Variants in XKR9 observed in about 807,000 individuals in gnomAD.
XKR9 encodes the protein XK related 9, also known as XK-related protein 9.
A neutral mutation model predicts 32.0 loss-of-function variants in XKR9; 32 were observed. The ratio of observed to expected loss-of-function variants is 1.00; its 90% confidence interval spans 0.76 to 1.34. The LOEUF (loss-of-function observed/expected upper bound fraction) is 1.34. Among genes scored for constraint, XKR9 ranks in the 40% most tolerant of loss-of-function variants. XKR9 has a pLI of 0.00. For synonymous variants in XKR9, 168 were observed against 143.4 expected (o/e 1.17, Z -1.22); for missense variants, 546 against 429.7 (o/e 1.27, Z -2.39).
the XKR9 span, among the ~76,000 whole-genome samples, chr8:70,886,816 T>G: frequency 1.3e-5 from 2 of 152,166 alleles, no homozygotes; most frequent in East Asian, 3.8e-4. Context: ...TTGCAAAAAT[T>G]TTCTCCCATT....
chr8:70,973,384 A>G, the XKR9 span, among the ~76,000 whole-genome samples: 1 of 151,770 alleles, frequency 6.6e-6, no homozygotes, highest in Admixed American at 6.6e-5. Flanking sequence ...GTGCTCTATC[A>G]ATTTTATTTA....
chr8:70,872,305 G>A, the XKR9 span, among the ~76,000 whole-genome samples: 1 of 152,186 alleles, frequency 6.6e-6, no homozygotes, highest in African/African-American at 2.4e-5. Flanking sequence ...CCAGAGCAAA[G>A]CCACAACTCT....
At chr8:70,675,651 GA>G (rs1476584163) in intron 2 of XKR9, among the ~76,000 whole-genome samples, 1 of 152,124 alleles carries the variant, frequency 6.6e-6, no homozygotes, top group East Asian at 1.9e-4. Flanking sequence ...TCATCACTCT[GA>G]AGTTCAAACT....
At chr8:70,772,557 A>G (rs761378498) in intron 2 of XKR9, among the ~76,000 whole-genome samples, 4 of 152,330 alleles carry the variant, frequency 2.6e-5, no homozygotes, top group South Asian at 2.1e-4. Context: ...CAAGCCAGGA[A>G]TCTTATAACA....
chr8:71,002,961 G>A, the XKR9 span, among the ~76,000 whole-genome samples: 1 of 152,236 alleles, frequency 6.6e-6, no homozygotes, highest in African/African-American at 2.4e-5. Flanking sequence ...CACCAGCTCT[G>A]CAGGCTGTGA....
the XKR9 span, among the ~76,000 whole-genome samples, chr8:70,872,679 A>G: frequency 6.6e-6 from 1 of 151,886 alleles, no homozygotes; most frequent in African/African-American, 2.4e-5. Context: ...TTTTTTTTTC[A>G]GACCTAGTTT....
intron 2 of XKR9, among the ~76,000 whole-genome samples, chr8:70,772,361 G>C (rs1807465243): frequency 6.6e-6 from 1 of 152,082 alleles, no homozygotes; most frequent in Non-Finnish European, 1.5e-5. Context: ...TATATGTTTG[G>C]GACAATATTC....
chr8:70,733,935 T>G lies in XKR9; in HGVS notation c.633T>G (p.Phe211Leu). 1 of 1,612,926 alleles carries G rather than the reference T, an allele frequency of 6.2e-7. No homozygotes were observed. The highest frequency in any genetic ancestry group is 8.5e-7 in the Non-Finnish European group (1 of 1,179,684). ...PKITYLFYKL[F>L]TLLSWMLSVV... ...TCACATATCTCTTTTACAAGTTGTT[T>G]ACATTATTATCGTGGATGCTGAGTG... Residue 211 changes from phenylalanine (F) to leucine (L), a missense_variant, in exon 5 of 5, where the codon TTT (phenylalanine) becomes TTG (leucine). By Grantham distance (22) the Phe-to-Leu change is conservative. Coordinates refer to ENST00000408926, the MANE Select transcript of XKR9 (RefSeq NM_001011720.2).
intron 1 of XKR9, among the ~76,000 whole-genome samples, chr8:70,669,940 A>T (rs559886791): frequency 7.2e-5 from 11 of 152,304 alleles, no homozygotes; most frequent in Non-Finnish European, 1.2e-4. Context: ...TGCTGGGATT[A>T]CAGGCGTGAG....
chr8:70,677,937 A>G (rs935006987), intron 2 of XKR9: 2 of 152,258 alleles, frequency 1.3e-5, no homozygotes, highest in Admixed American at 6.5e-5. Context: ...TAAGAATGAT[A>G]TTAGAACAGG....
At chr8:70,917,128 A>G in the XKR9 span, among the ~76,000 whole-genome samples, 1 of 151,944 alleles carries the variant, frequency 6.6e-6, no homozygotes, top group Non-Finnish European at 1.5e-5. Context: ...CTGTTCCTTG[A>G]TCCAACCTGT....
At chr8:70,684,142 A>G (rs13256093) in intron 3 of XKR9, among the ~76,000 whole-genome samples, 50,109 of 151,780 alleles carry the variant, frequency 0.33, 9,400 homozygotes, top group Middle Eastern at 0.43. Context: ...TGTAGATTTT[A>G]TTTCTCTTGC....
At chr8:70,738,563 G>A (rs1053085046), downstream of XKR9, among the ~76,000 whole-genome samples, 3 of 150,894 alleles carry the variant, frequency 2.0e-5, no homozygotes, top group African/African-American at 7.3e-5. Context: ...TGTGATGTTA[G>A]GGTGTCAATT....
the XKR9 span, among the ~76,000 whole-genome samples, chr8:70,809,082 T>A: frequency 1.3e-5 from 2 of 152,150 alleles, no homozygotes; most frequent in Non-Finnish European, 2.9e-5. Flanking sequence ...GGCTGGGTAC[T>A]CCTCTGAGAC....
chr8:70,860,198 C>T, the XKR9 span, among the ~76,000 whole-genome samples: 8 of 152,076 alleles, frequency 5.3e-5, no homozygotes, highest in African/African-American at 1.7e-4. Context: ...GTGTTGAAAC[C>T]CTAATCCCAG....
At chr8:70,773,587 A>G (rs7845516) in intron 2 of XKR9, among the ~76,000 whole-genome samples, 83,791 of 152,024 alleles carry the variant, frequency 0.55, 24,078 homozygotes, top group Middle Eastern at 0.62. Context: ...TATGATGTGT[A>G]TGGATCAGAC....
chr8:70,909,157 A>T, the XKR9 span, among the ~76,000 whole-genome samples: 1 of 152,016 alleles, frequency 6.6e-6, no homozygotes, highest in African/African-American at 2.4e-5. Context: ...CACATTTCTT[A>T]CCTTGCTTTA....
the XKR9 span, among the ~76,000 whole-genome samples, chr8:70,898,622 G>T: frequency 1.3e-5 from 2 of 152,026 alleles, no homozygotes; most frequent in African/African-American, 4.8e-5. Context: ...TCACATATTT[G>T]GGAATTTTCC....
the XKR9 span, among the ~76,000 whole-genome samples, chr8:70,976,516 C>T: frequency 1.3e-5 from 2 of 152,092 alleles, no homozygotes; most frequent in African/African-American, 2.4e-5. Context: ...TGATGGATTA[C>T]GTTTATTGAT....
Sources: allele counts gnomAD v4.1 joint callset (sites outside exome capture counted in the v4.1 genomes callset), GRCh38; gene constraint gnomAD v4.1.1; transcripts MANE v1.5; gene names NCBI Gene and HGNC (gene_info 2026-07-23, HGNC 2026-07-21).